Variants in RNF111 observed in about 807,000 individuals in gnomAD.
The protein encoded by RNF111 is E3 ubiquitin-protein ligase Arkadia.
RNF111 carries 17 observed loss-of-function variants against 95.1 expected under a neutral mutation model. The observed-to-expected ratio is 0.18, with a 90% confidence interval of 0.12 to 0.27. RNF111 has a LOEUF of 0.27. Ranked by LOEUF, RNF111 falls within the 10% of genes least tolerant of loss-of-function variation. RNF111 has a pLI of 1.00. For synonymous variants in RNF111, 440 were observed against 414.8 expected (o/e 1.06, Z -0.74); for missense variants, 1,189 against 1,210.4 (o/e 0.98, Z 0.26).
chr15:59,086,452 T>C (rs2078903901), intron 10 of RNF111, among the ~76,000 whole-genome samples: 1 of 152,202 alleles, frequency 6.6e-6, no homozygotes, highest in Non-Finnish European at 1.5e-5. Context: ...TTATACTAAT[T>C]CTCTACATCT....
At chr15:59,057,237 AT>A (rs2042235702) in intron 4 of RNF111, among the ~76,000 whole-genome samples, 1 of 152,190 alleles carries the variant, frequency 6.6e-6, no homozygotes, top group Non-Finnish European at 1.5e-5. Context: ...CGAACAAAAA[AT>A]TGTCTAGCCC....
chr15:59,010,258 C>G lies in RNF111; in HGVS notation c.-19-20546C>G, dbSNP rs762799605. ...AAATATTTATTTTGAAATTAATAAA[C>G]CCATGACATGTAAATATAAATAGTA... is the stretch of plus-strand genomic sequence containing the variant. On this transcript the variant is annotated intron_variant, in intron 1 of 13. Transcript: ENST00000348370. 2.0e-5 allele frequency among the ~76,000 whole-genome samples: 3 copies of G among 152,096 alleles called. No homozygotes were observed. The East Asian group carries it at 5.8e-4, about 29-fold the overall frequency.
In RNF111 at chr15:59,060,220, G is replaced by C. The variant is rs535884699; in HGVS notation, c.1366+1670G>C. 5.9e-5 allele frequency among the ~76,000 whole-genome samples: 9 copies of C among 151,980 alleles called. No homozygotes were observed. The South Asian group carries it at 1.7e-3, about 28-fold the overall frequency. On this transcript the variant is annotated intron_variant, in intron 5 of 13. Coordinates refer to ENST00000348370, the MANE Select transcript of RNF111 (RefSeq NM_017610.8). ...GAAAAAATGTAGGCAGAAATGAAAT[G>C]GGCTTTTATTTCATTTGTTGAGTAC...
At chr15:59,057,082 G>C (rs1322690922) in intron 4 of RNF111, among the ~76,000 whole-genome samples, 1 of 152,098 alleles carries the variant, frequency 6.6e-6, no homozygotes, top group African/African-American at 2.4e-5. Flanking sequence ...ACTAGGGGCA[G>C]TTTTCTCCCC....
chr15:59,058,724 T>A (rs1408593224), intron 5 of RNF111, 174 bp downstream of exon 5: 5 of 617,566 alleles, frequency 8.1e-6, no homozygotes, highest in African/African-American at 5.6e-5. Flanking sequence ...ATTTCATATT[T>A]GAGTTTGTGT....
At chr15:59,027,551 C>CA (rs2040678364) in intron 1 of RNF111, among the ~76,000 whole-genome samples, 1 of 150,182 alleles carries the variant, frequency 6.7e-6, no homozygotes, top group East Asian at 1.9e-4. Flanking sequence ...TTTTGGGAGA[C>CA]AGAGTCTTGC....
intron 5 of RNF111, among the ~76,000 whole-genome samples, chr15:59,061,271 A>G (rs1452707428): frequency 6.6e-6 from 1 of 152,112 alleles, no homozygotes; most frequent in African/African-American, 2.4e-5. Context: ...TCCTTCCAGG[A>G]CCCTATGGAA....
intron 1 of RNF111, among the ~76,000 whole-genome samples, chr15:59,015,890 C>T (rs1053840711): frequency 1.3e-5 from 2 of 152,010 alleles, no homozygotes; most frequent in Non-Finnish European, 2.9e-5. Context: ...CAGGTTCTCA[C>T]GCCCAGGTTG....
chr15:59,038,318 G>GCA (rs2041283630), intron 2 of RNF111, among the ~76,000 whole-genome samples: 1 of 151,508 alleles, frequency 6.6e-6, no homozygotes, highest in Admixed American at 6.6e-5. Flanking sequence ...TCTAATAGCT[G>GCA]TATATATATA....
chr15:58,998,244 GTT>G (rs78720477), intron 1 of RNF111, among the ~76,000 whole-genome samples: 1 of 142,258 alleles, frequency 7.0e-6, no homozygotes, highest in Admixed American at 7.1e-5. Context: ...AAAATGGGAA[GTT>G]TTTTTTTTTT....
chr15:59,075,984 G>A lies in RNF111; in HGVS notation c.1717G>A (p.Gly573Ser). 2 of 1,614,204 alleles carry A rather than the reference G, an allele frequency of 1.2e-6. No homozygotes were observed. Among genetic ancestry groups the A allele is most frequent in the Non-Finnish European group, 1.7e-6 (2 of 1,180,036 alleles). The part of the protein sequence containing the change: ...QALPVDLSNS[G>S]IRSHGSGSFH... Reference sequence around the variant, plus strand: ...ATTGCCAGTGGACCTGAGCAACAGTGGTATCAGAAGTCATGGAAGTGGCAG... The same window carrying A: ...ATTGCCAGTGGACCTGAGCAACAGTAGTATCAGAAGTCATGGAAGTGGCAG... The change falls in exon 7 of 14, where the codon GGT becomes AGT. Residue 573 changes from glycine (G) to serine (S), a missense_variant. Coordinates refer to ENST00000348370, the MANE Select transcript of RNF111 (RefSeq NM_017610.8).
intron 1 of RNF111, among the ~76,000 whole-genome samples, chr15:59,025,859 T>C (rs1445210098): frequency 6.6e-6 from 1 of 151,958 alleles, no homozygotes; most frequent in South Asian, 2.1e-4. Context: ...GCCTCCCGAG[T>C]AGCTGGGATT....
intron 11 of RNF111, among the ~76,000 whole-genome samples, chr15:59,090,702 T>C (rs16941012): frequency 0.035 from 5,321 of 152,312 alleles, 160 homozygotes; most frequent in African/African-American, 0.081. Flanking sequence ...AAGATAACTT[T>C]TGCTGTACCA....
At chr15:59,077,400 A>G (rs868375324) in intron 7 of RNF111, among the ~76,000 whole-genome samples, 1 of 152,200 alleles carries the variant, frequency 6.6e-6, no homozygotes, top group South Asian at 2.1e-4. Context: ...GAGAATTTAA[A>G]AGCTTCCTCG....
chr15:59,029,898 T>C (rs2040820870), intron 1 of RNF111, among the ~76,000 whole-genome samples: 1 of 152,242 alleles, frequency 6.6e-6, no homozygotes, highest in South Asian at 2.1e-4. Flanking sequence ...GTTAAAAATA[T>C]GTTAACATTG....
At chr15:59,047,814 A>G (rs544873424) in intron 2 of RNF111, among the ~76,000 whole-genome samples, 196 of 152,308 alleles carry the variant, frequency 1.3e-3, no homozygotes, top group Non-Finnish European at 2.6e-3. Context: ...AGCTCGAGCA[A>G]TCTGCCTGCC....
intron 1 of RNF111, among the ~76,000 whole-genome samples, chr15:59,010,677 C>T (rs1262186404): frequency 6.6e-6 from 1 of 152,188 alleles, no homozygotes; most frequent in Admixed American, 6.5e-5. Context: ...GTTGGGATTA[C>T]AGTCATAAGC....
chr15:59,071,499 A>G lies in RNF111; in HGVS notation c.1686+4416A>G, dbSNP rs1266570720. Among the ~76,000 whole-genome samples the G allele has an allele frequency of 3.9e-5, 6 of 152,048 alleles. No homozygotes were observed. In the East Asian group the frequency reaches 1.2e-3, roughly 29 times the overall value. ...AGAGTTCGAGACCACCCTGTGCAAC[A>G]TGGTGAAACCCCGTTTCTAACAAAA... On this transcript the variant is annotated intron_variant, in intron 6 of 13. Coordinates refer to ENST00000348370, the MANE Select transcript of RNF111 (RefSeq NM_017610.8).
At chr15:58,997,913 T>C (rs1485930788) in intron 1 of RNF111, among the ~76,000 whole-genome samples, 1 of 151,934 alleles carries the variant, frequency 6.6e-6, no homozygotes, top group African/African-American at 2.4e-5. Context: ...GTTTGTTTTT[T>C]GTTTTTTTTG....
Sources: allele counts gnomAD v4.1 joint callset (sites outside exome capture counted in the v4.1 genomes callset), GRCh38; gene constraint gnomAD v4.1.1; transcripts MANE v1.5; gene names NCBI Gene and HGNC (gene_info 2026-07-23, HGNC 2026-07-21).